Variants in SCHIP1 observed in about 807,000 individuals in gnomAD.
SCHIP1 encodes the protein schwannomin-interacting protein 1.
A neutral mutation model predicts 29.7 loss-of-function variants in SCHIP1; 8 were observed. That is an observed-to-expected ratio of 0.27 (90% CI 0.16 to 0.49). SCHIP1 has a LOEUF of 0.49. Ranked by LOEUF, SCHIP1 falls within the 20% of genes least tolerant of loss-of-function variation. The probability of loss-of-function intolerance (pLI) is 0.99; values close to 1 mark genes in which losing one functional copy is unlikely to be tolerated. For missense variants in SCHIP1, 193 were observed against 294.6 expected, an observed-to-expected ratio of 0.66 and a Z score of 2.52; for synonymous variants, 76 against 94.9, an observed-to-expected ratio of 0.80 and a Z score of 1.16.
intron 5 of SCHIP1, among the ~76,000 whole-genome samples, chr3:159,890,480 A>C (rs991329719): frequency 6.6e-6 from 1 of 152,220 alleles, no homozygotes; most frequent in African/African-American, 2.4e-5. Flanking sequence ...AAATAAAAAA[A>C]ATTGGACATA....
At chr3:159,448,451 C>A in the SCHIP1 span, among the ~76,000 whole-genome samples, 4 of 151,994 alleles carry the variant, frequency 2.6e-5, no homozygotes, top group Non-Finnish European at 4.4e-5. Context: ...AGAATGGCGG[C>A]AGAGTGAGAC....
the SCHIP1 span, among the ~76,000 whole-genome samples, chr3:159,609,553 G>A: frequency 9.1e-4 from 139 of 152,098 alleles, no homozygotes; most frequent in Non-Finnish European, 1.6e-3. Context: ...ATGTGGCCTC[G>A]TGACTAAGGT....
the SCHIP1 span, among the ~76,000 whole-genome samples, chr3:159,352,137 C>T: frequency 1.3e-5 from 2 of 152,188 alleles, no homozygotes; most frequent in African/African-American, 2.4e-5. Context: ...TGCTTCAGCA[C>T]TGGGGCGTGG....
chr3:159,585,638 A>G, the SCHIP1 span, among the ~76,000 whole-genome samples: 2 of 152,312 alleles, frequency 1.3e-5, no homozygotes, highest in East Asian at 3.9e-4. Context: ...CTTATTACAT[A>G]GCACACTTAT....
the SCHIP1 span, among the ~76,000 whole-genome samples, chr3:159,650,474 A>G: frequency 1.3e-5 from 2 of 152,162 alleles, no homozygotes; most frequent in Admixed American, 1.3e-4. Context: ...GGGTATAGAG[A>G]AGTCACCTGA....
chr3:159,601,460 C>G, the SCHIP1 span, among the ~76,000 whole-genome samples: 1 of 152,202 alleles, frequency 6.6e-6, no homozygotes, highest in African/African-American at 2.4e-5. Flanking sequence ...TGTTACTCAC[C>G]ACCTCAGACA....
At chr3:159,615,071 T>C in the SCHIP1 span, among the ~76,000 whole-genome samples, 5 of 152,160 alleles carry the variant, frequency 3.3e-5, no homozygotes, top group Admixed American at 2.6e-4. Context: ...AAAGGTACAA[T>C]GCTTTGGTTA....
chr3:159,550,213 T>C, the SCHIP1 span, among the ~76,000 whole-genome samples: 15 of 140,364 alleles, frequency 1.1e-4, no homozygotes, highest in Non-Finnish European at 1.9e-4. Context: ...ATTGACTTGT[T>C]AGCCTTCTTT....
At chr3:159,831,619 T>C in the SCHIP1 span, among the ~76,000 whole-genome samples, 1 of 152,088 alleles carries the variant, frequency 6.6e-6, no homozygotes, top group African/African-American at 2.4e-5. Context: ...AAAGTAAGGG[T>C]TACTTGAATA....
At chr3:159,662,896 T>C in the SCHIP1 span, among the ~76,000 whole-genome samples, 2 of 152,350 alleles carry the variant, frequency 1.3e-5, no homozygotes, top group African/African-American at 2.4e-5. Flanking sequence ...AAAGATGGAA[T>C]GACCTAGACA....
At chr3:159,697,498 T>C in the SCHIP1 span, among the ~76,000 whole-genome samples, 5 of 152,190 alleles carry the variant, frequency 3.3e-5, no homozygotes, top group Non-Finnish European at 7.3e-5. Flanking sequence ...GCAAGGACCA[T>C]ACATTATTCA....
the SCHIP1 span, among the ~76,000 whole-genome samples, chr3:159,334,941 C>T: frequency 3.3e-5 from 5 of 151,518 alleles, 1 homozygote; most frequent in Middle Eastern, 0.014. Flanking sequence ...TGCTCTGTCA[C>T]CCAGGCTGGA....
chr3:159,302,217 C>T, the SCHIP1 span, among the ~76,000 whole-genome samples: 1 of 152,186 alleles, frequency 6.6e-6, no homozygotes, highest in African/African-American at 2.4e-5. Flanking sequence ...TGACAAGTTG[C>T]TTCAACCCTA....
the SCHIP1 span, among the ~76,000 whole-genome samples, chr3:159,730,579 CATTAG>C: frequency 1.3e-5 from 2 of 152,034 alleles, no homozygotes; most frequent in Non-Finnish European, 1.5e-5. Context: ...TTAATTATTT[CATTAG>C]ATTAAATTCC....
the SCHIP1 span, among the ~76,000 whole-genome samples, chr3:159,463,660 G>T: frequency 6.6e-6 from 1 of 151,918 alleles, no homozygotes; most frequent in Non-Finnish European, 1.5e-5. Context: ...TTACACAGCT[G>T]CACTTAATTG....
the SCHIP1 span, among the ~76,000 whole-genome samples, chr3:159,560,658 T>G: frequency 6.6e-6 from 1 of 152,186 alleles, no homozygotes; most frequent in East Asian, 1.9e-4. Context: ...CATTTCTTCA[T>G]GTAAATTCCC....
chr3:159,576,501 A>G, the SCHIP1 span, among the ~76,000 whole-genome samples: 1 of 151,884 alleles, frequency 6.6e-6, no homozygotes, highest in Non-Finnish European at 1.5e-5. Context: ...TGTGCTTGGG[A>G]TTTGTTGTGC....
chr3:159,771,869 T>C, the SCHIP1 span, among the ~76,000 whole-genome samples: 1 of 152,170 alleles, frequency 6.6e-6, no homozygotes, highest in Non-Finnish European at 1.5e-5. Flanking sequence ...AAAATAAATC[T>C]TTGCCTACCA....
At chr3:159,326,012 T>A in the SCHIP1 span, among the ~76,000 whole-genome samples, 36,423 of 151,952 alleles carry the variant, frequency 0.24, 4,719 homozygotes, top group African/African-American at 0.33. Flanking sequence ...GTTTTAAGAG[T>A]TTTACATGTA....
Sources: allele counts gnomAD v4.1 joint callset (sites outside exome capture counted in the v4.1 genomes callset), GRCh38; gene constraint gnomAD v4.1.1; transcripts MANE v1.5; gene names NCBI Gene and HGNC (gene_info 2026-07-23, HGNC 2026-07-21).